BRAF: variants seen among roughly 807,000 people sequenced by gnomAD.
BRAF encodes the protein B-Raf proto-oncogene, serine/threonine kinase, also known as serine/threonine-protein kinase B-raf.
BRAF carries 16 observed loss-of-function variants against 104.6 expected under a neutral mutation model. That is an observed-to-expected ratio of 0.15 (90% CI 0.10 to 0.23). BRAF has a LOEUF of 0.23. BRAF is among the 10% of genes least tolerant of loss of function. The pLI, the probability that BRAF is intolerant of heterozygous loss-of-function variation, is 1.00. For synonymous variants in BRAF, 310 were observed against 341.6 expected, an observed-to-expected ratio of 0.91 and a Z score of 1.02; for missense variants, 541 against 937.3, an observed-to-expected ratio of 0.58 and a Z score of 5.52.
chr7:140,903,066 A>G (rs1815848730), intron 1 of BRAF, among the ~76,000 whole-genome samples: 1 of 151,898 alleles, frequency 6.6e-6, no homozygotes, highest in East Asian at 1.9e-4. Flanking sequence ...CTGGGATTAC[A>G]GGCATGTGCC....
At chr7:140,887,766 T>G (rs891396542) in intron 1 of BRAF, among the ~76,000 whole-genome samples, 2 of 152,072 alleles carry the variant, frequency 1.3e-5, no homozygotes, top group African/African-American at 4.8e-5. Flanking sequence ...CAGGCTGGAG[T>G]GCAGTAGTGT....
intron 19 of BRAF, chr7:140,732,378 C>T (rs1187184859): frequency 6.6e-6 from 1 of 151,620 alleles, no homozygotes; most frequent in Non-Finnish European, 1.5e-5. Context: ...ATTTAAAACT[C>T]AGTATAAAAC....
intron 14 of BRAF, 77 bp from the exon 14 acceptor site, chr7:140,754,310 G>GTTAC (rs1276793098): frequency 2.4e-5 from 30 of 1,275,668 alleles, no homozygotes; most frequent in Non-Finnish European, 3.4e-5. Flanking sequence ...CATACTTGGG[G>GTTAC]GTGTAAAGAC....
At chr7:140,860,212 A>G (rs550289129) in intron 1 of BRAF, among the ~76,000 whole-genome samples, 17 of 152,158 alleles carry the variant, frequency 1.1e-4, no homozygotes, top group Non-Finnish European at 2.2e-4. Context: ...TTAGTGGGGA[A>G]CAGAACGGAC....
intron 1 of BRAF, among the ~76,000 whole-genome samples, chr7:140,851,895 GTTGT>G (rs1312500734): frequency 2.0e-5 from 3 of 152,248 alleles, no homozygotes; most frequent in Non-Finnish European, 4.4e-5. Context: ...ATTCTATTGA[GTTGT>G]TTGTTTTTTC....
At chr7:140,818,684 C>A (rs1586277791) in intron 3 of BRAF, among the ~76,000 whole-genome samples, 1 of 152,236 alleles carries the variant, frequency 6.6e-6, no homozygotes, top group East Asian at 1.9e-4. Context: ...AAATGCTAAA[C>A]CAAAGTCACC....
In BRAF at chr7:140,861,469, C is replaced by A. The variant is rs555142666; in HGVS notation, c.139-11257G>T. ...ATGCGGAGTACACATATGATCTCTA[C>A]ATGTCTGCAAAGGATCGCGTGGGTC... On this transcript the variant is annotated intron_variant, in intron 1 of 19. Coordinates refer to ENST00000644969, the MANE Select transcript of BRAF (RefSeq NM_001374258.1). Among the ~76,000 whole-genome samples, 40 of 152,294 alleles carry A rather than the reference C, an allele frequency of 2.6e-4. No individual in the cohort carries two copies. In the South Asian group the frequency reaches 8.1e-3, roughly 31 times the overall value.
At chr7:140,777,869 C>T (rs1800483564) in intron 13 of BRAF, 122 bp downstream of exon 12, 4 of 984,258 alleles carry the variant, frequency 4.1e-6, no homozygotes, top group Middle Eastern at 2.9e-4. Context: ...CAGACATACT[C>T]TGTTTCTACA....
intron 1 of BRAF, among the ~76,000 whole-genome samples, chr7:140,896,236 C>T (rs1028879467): frequency 2.0e-5 from 3 of 151,978 alleles, no homozygotes; most frequent in Non-Finnish European, 2.9e-5. Flanking sequence ...GGTCTTTGAT[C>T]CATTTTGAGT....
chr7:140,901,239 T>C (rs144005040), intron 1 of BRAF, among the ~76,000 whole-genome samples: 4,250 of 152,254 alleles, frequency 0.028, 81 homozygotes, highest in Non-Finnish European at 0.042. Flanking sequence ...TGTTGTAAGT[T>C]TGTTTGTTGG....
intron 2 of BRAF, among the ~76,000 whole-genome samples, chr7:140,847,196 TA>T (rs1281995001): frequency 9.2e-5 from 14 of 152,108 alleles, no homozygotes; most frequent in Non-Finnish European, 4.4e-5. Flanking sequence ...TGCAATGTTC[TA>T]AAACTCATTT....
chr7:140,742,819 C>G (rs1445559600), intron 17 of BRAF, among the ~76,000 whole-genome samples: 2 of 151,998 alleles, frequency 1.3e-5, no homozygotes, highest in African/African-American at 4.8e-5. Flanking sequence ...TTGCAACCTA[C>G]TCATCTGACA....
At chr7:140,831,081 G>T (rs916194354) in intron 3 of BRAF, among the ~76,000 whole-genome samples, 2 of 152,194 alleles carry the variant, frequency 1.3e-5, no homozygotes, top group African/African-American at 4.8e-5. Context: ...AACCTGTGGG[G>T]TCTATGCTAT....
chr7:140,861,326 G>A (rs1011582444), intron 1 of BRAF, among the ~76,000 whole-genome samples: 1 of 152,194 alleles, frequency 6.6e-6, no homozygotes, highest in Non-Finnish European at 1.5e-5. Context: ...GTCACAGAGT[G>A]TTTGTTAGGT....
At position 140,850,279 on chromosome 7, in the gene BRAF, TAGAC is replaced by T. The variant is rs1314805288; in HGVS notation, c.139-71_139-68del. ...TATATGAATTAGAAATATTTTAACA[TAGAC>T]AACTACATCACAGTAACTGCCAGTG... On this transcript the variant is annotated intron_variant, in intron 1 of 19. Coordinates refer to ENST00000644969, the MANE Select transcript of BRAF (RefSeq NM_001374258.1). 26 of 1,242,824 alleles carry T rather than the reference TAGAC, an allele frequency of 2.1e-5. No homozygotes were observed. In the Admixed American group the frequency reaches 3.8e-4, roughly 18 times the overall value. The allele number at this position is 1,242,824 out of a possible 1,614,324, so 77.0% of individuals were successfully genotyped here.
At chr7:140,737,867 A>C (rs1165403262) in intron 18 of BRAF, among the ~76,000 whole-genome samples, 1 of 152,238 alleles carries the variant, frequency 6.6e-6, no homozygotes, top group Non-Finnish European at 1.5e-5. Context: ...TCACATATGC[A>C]CTTCAGTTTT....
At chr7:140,759,653 T>A (rs770136476) in intron 14 of BRAF, among the ~76,000 whole-genome samples, 1 of 152,242 alleles carries the variant, frequency 6.6e-6, no homozygotes, top group East Asian at 1.9e-4. Context: ...CCCAAACTGC[T>A]GGGATTAGAG....
At chr7:140,728,369 G>A (rs1014483817) in intron 19 of BRAF, among the ~76,000 whole-genome samples, 11 of 152,120 alleles carry the variant, frequency 7.2e-5, no homozygotes, top group Non-Finnish European at 8.8e-5. Flanking sequence ...TTAACACTTT[G>A]TTTTCCCAAT....
At chr7:140,751,172 CA>C (rs1254694147) in intron 16 of BRAF, among the ~76,000 whole-genome samples, 1 of 151,978 alleles carries the variant, frequency 6.6e-6, no homozygotes, top group Non-Finnish European at 1.5e-5. Context: ...CAGGTATCAA[CA>C]AAAAATTAAT....
Sources: gnomAD v4.1 joint callset for allele counts (sites outside exome capture counted in the v4.1 genomes callset) on GRCh38, gnomAD v4.1.1 for gene constraint, MANE v1.5 for transcripts, NCBI Gene and HGNC (gene_info 2026-07-23, HGNC 2026-07-21) for gene names.